Variants in HGF observed in about 807,000 individuals in gnomAD.
The protein encoded by HGF is hepatocyte growth factor.
A neutral mutation model predicts 111.6 loss-of-function variants in HGF; 39 were observed. That is an observed-to-expected ratio of 0.35 (90% CI 0.27 to 0.46). The LOEUF (loss-of-function observed/expected upper bound fraction) is 0.46. Ranked by LOEUF, HGF falls within the 20% of genes least tolerant of loss-of-function variation. HGF has a pLI of 1.00. For missense variants in HGF, 735 were observed against 910.5 expected, an observed-to-expected ratio of 0.81 and a Z score of 2.48; for synonymous variants, 285 against 294.8, an observed-to-expected ratio of 0.97 and a Z score of 0.34.
chr7:81,702,471 CAGT>C lies in HGF; in HGVS notation c.*107_*109del. The stretch of plus-strand genomic sequence containing the variant: ...GAGAATTTCAACAAACATGACTCTC[CAGT>C]AGTTGTCTTAGGATTGTTGTAAGTG... On this transcript the variant is annotated 3_prime_UTR_variant, in exon 18 of 18. Coordinates refer to ENST00000222390, the MANE Select transcript of HGF (RefSeq NM_000601.6). 1 of 852,486 alleles carries C rather than the reference CAGT, an allele frequency of 1.2e-6. No homozygotes were observed. The highest frequency in any genetic ancestry group is 2.0e-6 in the Non-Finnish European group (1 of 512,268). The allele number at this position is 852,486 out of a possible 1,614,324, so 52.8% of individuals were successfully genotyped here. A position where few individuals can be genotyped will look rare whatever the true frequency, so the allele number is the denominator to read the frequency against.
rs1787590803 is a variant in HGF, at chr7:81,729,924, A to C, written c.866-145T>G. 4 of 650,690 alleles carry C rather than the reference A, an allele frequency of 6.1e-6. No homozygotes were observed. The South Asian group carries it at 8.2e-5, about 13-fold the overall frequency. 40.3% of individuals were successfully genotyped at this position (650,690 alleles called of 1,614,324 possible). On this transcript the variant is annotated intron_variant, in intron 7 of 17. Coordinates refer to ENST00000222390, the MANE Select transcript of HGF (RefSeq NM_000601.6). Reference sequence around the variant, plus strand: ...TTTATAATAATTGAGTGGAATAAGAAATTTAACTTAACATTATTACTAACT... The same window carrying C: ...TTTATAATAATTGAGTGGAATAAGACATTTAACTTAACATTATTACTAACT...
chr7:81,751,496 T>TGCCTG, intron 5 of HGF: 2 of 984,654 alleles, frequency 2.0e-6, no homozygotes, highest in Non-Finnish European at 2.4e-6. Context: ...GGACTTAAGG[T>TGCCTG]CCATAGACAT....
At position 81,705,408 on chromosome 7, in the gene HGF, A is replaced by T. The variant is rs2115759484; in HGVS notation, c.1992T>A (p.Ile664=). The T allele has an allele frequency of 6.2e-7, 1 of 1,612,860 alleles. No homozygotes were observed. Among genetic ancestry groups the T allele is most frequent in the Non-Finnish European group, 8.5e-7 (1 of 1,179,120 alleles). Residue 664 remains isoleucine, a synonymous_variant, in exon 17 of 18, where the codon ATT becomes ATA. Transcript: ENST00000222390. ...TTTTTACCTCACATGGTCCTGATCC[A>T]ATCTTTTCAGCCCCAGCACATATTT... ...ESEICAGAEK[I]GSGPCEGDYG... is the part of the protein sequence containing the mutation.
intron 11 of HGF, among the ~76,000 whole-genome samples, chr7:81,712,189 C>T (rs1372306118): frequency 6.6e-6 from 1 of 152,098 alleles, no homozygotes; most frequent in Non-Finnish European, 1.5e-5. Flanking sequence ...CATCCTACAC[C>T]ATGAACATTC....
intron 2 of HGF, among the ~76,000 whole-genome samples, chr7:81,761,477 T>G (rs1789073439): frequency 6.6e-6 from 1 of 151,796 alleles, no homozygotes. Context: ...TACTAAACCC[T>G]GTGGTCACAT....
chr7:81,715,653 T>C (rs1252171548), intron 11 of HGF, among the ~76,000 whole-genome samples: 2 of 152,152 alleles, frequency 1.3e-5, no homozygotes, highest in African/African-American at 4.8e-5. Context: ...CATCATATTT[T>C]AAAAGTTTGC....
chr7:81,715,428 C>T (rs1233113180), intron 11 of HGF, among the ~76,000 whole-genome samples: 1 of 151,824 alleles, frequency 6.6e-6, no homozygotes, highest in East Asian at 1.9e-4. Context: ...TGAGCCTATG[C>T]CAACCTTAAT....
rs1225175706 is a variant in HGF at position 81,702,390 on chromosome 7, C to T, written c.*191G>A. The T allele has an allele frequency of 5.2e-6, 3 of 573,258 alleles. No individual in the cohort carries two copies. The highest frequency in any genetic ancestry group is 9.4e-6 in the Non-Finnish European group (3 of 320,134). The allele number at this position is 573,258 out of a possible 1,614,324, so 35.5% of individuals were successfully genotyped here. A position where few individuals can be genotyped will look rare whatever the true frequency, so the allele number is the denominator to read the frequency against. On this transcript the variant is annotated 3_prime_UTR_variant, in exon 18 of 18. Coordinates refer to ENST00000222390, the MANE Select transcript of HGF (RefSeq NM_000601.6). The stretch of plus-strand genomic sequence containing the variant: ...TTGCATGTACCTTAATTCACTTCAA[C>T]ATTGACAAAATAACACTGACAAACA...
chr7:81,751,348 G>A (rs1788488799), intron 5 of HGF: 2 of 984,556 alleles, frequency 2.0e-6, no homozygotes, highest in South Asian at 4.7e-5. Flanking sequence ...CTATTCAGTA[G>A]CCAGATAACT....
intron 2 of HGF, among the ~76,000 whole-genome samples, chr7:81,759,010 A>T (rs777636103): frequency 2.6e-5 from 4 of 152,184 alleles, no homozygotes; most frequent in African/African-American, 4.8e-5. Context: ...TTTTTGTAGG[A>T]GTAGATTTAA....
chr7:81,717,965 G>A (rs1157338427), intron 10 of HGF, among the ~76,000 whole-genome samples: 1 of 151,958 alleles, frequency 6.6e-6, no homozygotes, highest in Non-Finnish European at 1.5e-5. Flanking sequence ...CAAAAGAAAA[G>A]CAAAGATTGT....
intron 14 of HGF, 113 bp downstream of exon 14, chr7:81,707,177 C>T: frequency 1.5e-6 from 1 of 683,270 alleles, no homozygotes; most frequent in Non-Finnish European, 2.6e-6. Flanking sequence ...ATAATTTGTT[C>T]ACCCCATTTG....
At chr7:81,751,775 A>G in intron 5 of HGF, 2 of 1,105,870 alleles carry the variant, frequency 1.8e-6, no homozygotes, top group Non-Finnish European at 2.2e-6. Flanking sequence ...ATGAAAGGCT[A>G]AGCTTCATTC....
chr7:81,707,923 G>A (rs1365828573), intron 13 of HGF, among the ~76,000 whole-genome samples: 1 of 151,994 alleles, frequency 6.6e-6, no homozygotes, highest in Non-Finnish European at 1.5e-5. Context: ...ATAAGATCAG[G>A]AATATAATAT....
chr7:81,718,932 A>G (rs990084830), intron 10 of HGF, among the ~76,000 whole-genome samples: 3 of 152,170 alleles, frequency 2.0e-5, no homozygotes, highest in Non-Finnish European at 4.4e-5. Flanking sequence ...TGAAATTAGC[A>G]TTTATTTTAA....
rs55865050 is a variant in HGF at position 81,760,680 on chromosome 7, C to CGTGT, written c.255-1880_255-1877dup. On this transcript the variant is annotated intron_variant, in intron 2 of 17. Transcript: ENST00000222390. ...ATACATATGTGTGTCTATGTGCGTG[C>CGTGT]GTGTGTGTGTGTGTGTGTGTGTGTG... Among the ~76,000 whole-genome samples the CGTGT allele has an allele frequency of 2.8e-3, 395 of 139,560 alleles. 2 individuals are homozygous for CGTGT. The highest frequency in any genetic ancestry group is 7.7e-3 in the African/African-American group (287 of 37,334). 91.6% of individuals were successfully genotyped at this position (139,560 alleles called of 152,430 possible).
At position 81,702,622 on chromosome 7, in the gene HGF, T is replaced by G. The variant is rs1480950083; in HGVS notation, c.2146A>C (p.Ile716Leu). 1 of 1,611,262 alleles carries G rather than the reference T, an allele frequency of 6.2e-7. No homozygotes were observed. Among genetic ancestry groups the G allele is most frequent in the African/African-American group, 1.3e-5 (1 of 74,750 alleles). ...FVRVAYYAKW[I>L]HKIILTYKVP... ...TTATATGTTAAAATAATTTTGTGTATCCATTTTGCATAATATGCTACTCGG... is the reference window on the plus strand; with the variant it reads ...TTATATGTTAAAATAATTTTGTGTAGCCATTTTGCATAATATGCTACTCGG... The change falls in exon 18 of 18, where the codon ATA becomes CTA. Residue 716 changes from isoleucine to leucine, a missense_variant. By Grantham distance (5) the Ile-to-Leu change is conservative. Coordinates refer to ENST00000222390, the MANE Select transcript of HGF (RefSeq NM_000601.6).
At chr7:81,704,835 C>T (rs912552620) in intron 17 of HGF, among the ~76,000 whole-genome samples, 2 of 151,668 alleles carry the variant, frequency 1.3e-5, no homozygotes, top group Admixed American at 6.6e-5. Context: ...ATTGCCAAGC[C>T]GAAATAACAG....
At chr7:81,712,927 T>C (rs1789609596) in intron 11 of HGF, among the ~76,000 whole-genome samples, 1 of 152,202 alleles carries the variant, frequency 6.6e-6, no homozygotes, top group African/African-American at 2.4e-5. Context: ...CATTTCTCTT[T>C]CCCTGTAGCT....
Sources: allele counts gnomAD v4.1 joint callset (sites outside exome capture counted in the v4.1 genomes callset), GRCh38; gene constraint gnomAD v4.1.1; transcripts MANE v1.5; gene names NCBI Gene and HGNC (gene_info 2026-07-23, HGNC 2026-07-21).